Variants in PCDHA1 observed in about 807,000 individuals in gnomAD.
PCDHA1 encodes protocadherin alpha 1.
PCDHA1 carries 42 observed loss-of-function variants against 61.3 expected under a neutral mutation model. The ratio of observed to expected loss-of-function variants is 0.69; its 90% CI spans 0.54 to 0.89. PCDHA1 has a LOEUF of 0.89. Ranked by LOEUF, PCDHA1 falls within the 40% of genes least tolerant of loss-of-function variation. The probability of loss-of-function intolerance (pLI) is 0.00; values close to 1 mark genes in which losing one functional copy is unlikely to be tolerated. For synonymous variants in PCDHA1, 610 were observed against 553.8 expected, an observed-to-expected ratio of 1.10 and a Z score of -1.43; for missense variants, 1,256 against 1,235.3, an observed-to-expected ratio of 1.02 and a Z score of -0.25.
intron 1 of PCDHA1, among the ~76,000 whole-genome samples, chr5:140,826,894 G>A (rs1466105298): frequency 6.6e-6 from 1 of 152,116 alleles, no homozygotes; most frequent in East Asian, 1.9e-4. Context: ...TACTCATAAA[G>A]ATAAATATGA....
intron 1 of PCDHA1, chr5:140,870,461 C>A (rs1554164294): frequency 6.8e-6 from 11 of 1,614,128 alleles, no homozygotes; most frequent in Non-Finnish European, 9.3e-6. Context: ...AATGCGCCTG[C>A]GTTCGCACAG....
At chr5:140,885,864 GA>G (rs1267536827) in intron 1 of PCDHA1, among the ~76,000 whole-genome samples, 5 of 151,842 alleles carry the variant, frequency 3.3e-5, no homozygotes, top group African/African-American at 4.8e-5. Context: ...CTTTTCTATT[GA>G]AAAAAAATTT....
intron 1 of PCDHA1, among the ~76,000 whole-genome samples, chr5:140,846,838 C>T (rs1554141511): frequency 6.7e-6 from 1 of 149,596 alleles, no homozygotes; most frequent in African/African-American, 2.5e-5. Context: ...ATATGAGTCA[C>T]ACAATGCAAG....
chr5:140,888,233 C>T (rs544193607), intron 1 of PCDHA1, among the ~76,000 whole-genome samples: 6 of 152,142 alleles, frequency 3.9e-5, no homozygotes, highest in South Asian at 4.1e-4. Flanking sequence ...CATGTGTGTG[C>T]GTGTTCCTTT....
chr5:140,795,913 G>A (rs17844246), intron 1 of PCDHA1: 2 of 1,613,866 alleles, frequency 1.2e-6, no homozygotes, highest in Non-Finnish European at 8.5e-7. Context: ...AAAGTCCTAC[G>A]AGATTCAGGT....
intron 3 of PCDHA1, among the ~76,000 whole-genome samples, chr5:140,985,509 T>C (rs6886977): frequency 1.5e-3 from 223 of 152,280 alleles, no homozygotes; most frequent in African/African-American, 4.4e-3. Context: ...CTTTCATTGA[T>C]TCTGTTGCCC....
rs146090059 is a variant in PCDHA1 at position 140,857,944 on chromosome 5, G to A, written c.2394+69260G>A. 6.4e-5 allele frequency: 102 copies of A among 1,597,474 alleles called. 12 individuals are homozygous for A. The highest frequency in any genetic ancestry group is 5.1e-4 in the Admixed American group (30 of 59,248). ...GGCTGTACACGGGCGAGATCAGTAC[G>A]ACGCGCGCTCTGGATGAGACTGACT... On this transcript the variant is annotated intron_variant, in intron 1 of 3. Coordinates refer to ENST00000504120, the MANE Select transcript of PCDHA1 (RefSeq NM_018900.4).
rs2150368391 is a variant in PCDHA1 at position 140,844,038 on chromosome 5, G to A, written c.2394+55354G>A. On this transcript the variant is annotated intron_variant, in intron 1 of 3. Transcript: ENST00000504120. ...CGTTCAGGGCATTTTGATCTTTGGT[G>A]AAAGTATTCCCCCAAAGCGTTTATT... 1.1e-4 allele frequency among the ~76,000 whole-genome samples: 17 copies of A among 149,594 alleles called. 2 individuals are homozygous for A. Among genetic ancestry groups the A allele is most frequent in the South Asian group, 2.1e-4 (1 of 4,726 alleles).
chr5:140,823,090 A>C, intron 1 of PCDHA1: 1 of 1,614,038 alleles, frequency 6.2e-7, no homozygotes, highest in Non-Finnish European at 8.5e-7. Flanking sequence ...GGCCACCGCC[A>C]GCGTGTCTGT....
intron 1 of PCDHA1, chr5:140,836,749 A>G (rs2150269159): frequency 6.3e-7 from 1 of 1,585,374 alleles, no homozygotes; most frequent in Middle Eastern, 1.7e-4. Context: ...GTGAGTCATA[A>G]ATAATCTTGT....
In PCDHA1 at chr5:140,926,166, C is replaced by G. The variant is rs116217295; in HGVS notation, c.2395-52783C>G. 1.9e-3 allele frequency among the ~76,000 whole-genome samples: 292 copies of G among 151,864 alleles called. 1 individual carries two copies. The highest frequency in any genetic ancestry group is 6.7e-3 in the African/African-American group (280 of 41,552). ...AGCGCGGAAAGCTCTGCAGCAGGAT[C>G]CAGCGCGGAAAGCCCCCCGCAGCAC... On this transcript the variant is annotated intron_variant, in intron 1 of 3. Coordinates refer to ENST00000504120, the MANE Select transcript of PCDHA1 (RefSeq NM_018900.4).
chr5:140,885,410 G>A (rs1203684049), intron 1 of PCDHA1, among the ~76,000 whole-genome samples: 3 of 152,088 alleles, frequency 2.0e-5, no homozygotes, highest in Non-Finnish European at 4.4e-5. Flanking sequence ...TTTAATAGCT[G>A]TGTAGTATTC....
intron 1 of PCDHA1, chr5:140,871,357 C>A: frequency 6.2e-7 from 1 of 1,614,196 alleles, no homozygotes; most frequent in Non-Finnish European, 8.5e-7. Flanking sequence ...ATACTCGCAG[C>A]AGAGGCGGCA....
chr5:140,807,245 C>G, intron 1 of PCDHA1: 7 of 1,614,044 alleles, frequency 4.3e-6, no homozygotes, highest in Non-Finnish European at 5.9e-6. Flanking sequence ...CTTACTTCTT[C>G]TCCTCGCAGC....
chr5:140,855,571 T>G (rs2043521120), intron 1 of PCDHA1, among the ~76,000 whole-genome samples: 1 of 149,810 alleles, frequency 6.7e-6, no homozygotes, highest in Non-Finnish European at 1.5e-5. Context: ...AAAGTTGTCA[T>G]TTAATAAAAT....
At chr5:140,939,243 T>C (rs1414943094) in intron 1 of PCDHA1, among the ~76,000 whole-genome samples, 1 of 152,168 alleles carries the variant, frequency 6.6e-6, no homozygotes, top group Non-Finnish European at 1.5e-5. Context: ...AGGAGCAAGG[T>C]AGCTCTCTGG....
chr5:140,856,837 C>A, intron 1 of PCDHA1: 1 of 1,591,918 alleles, frequency 6.3e-7, no homozygotes, highest in Non-Finnish European at 8.6e-7. Flanking sequence ...TAATACGGCT[C>A]AACGCTTCTG....
At chr5:140,862,635 C>G in intron 1 of PCDHA1, 1 of 538,778 alleles carries the variant, frequency 1.9e-6, no homozygotes, top group Non-Finnish European at 3.8e-6. Context: ...GCTGCCACGA[C>G]TTCACAGTGT....
chr5:140,803,080 CG>C, intron 1 of PCDHA1: 1 of 1,613,930 alleles, frequency 6.2e-7, no homozygotes, highest in Non-Finnish European at 8.5e-7. Context: ...GGGCTGTACA[CG>C]GGAGAGATCA....
Sources: gnomAD v4.1 joint callset for allele counts (sites outside exome capture counted in the v4.1 genomes callset) on GRCh38, gnomAD v4.1.1 for gene constraint, MANE v1.5 for transcripts, NCBI Gene and HGNC (gene_info 2026-07-23, HGNC 2026-07-21) for gene names.